The following DNAJC11 variants were observed in gnomAD, a reference collection of about 807,000 sequenced individuals.
DNAJC11 encodes the protein dnaJ homolog subfamily C member 11.
In DNAJC11, 15 loss-of-function variants were observed where a neutral mutation model predicts 78.6. The observed-to-expected ratio is 0.19, with a 90% CI of 0.13 to 0.29. The LOEUF (loss-of-function observed/expected upper bound fraction) is 0.29. DNAJC11 is among the 10% of genes least tolerant of loss of function. DNAJC11 has a pLI of 1.00. For missense variants in DNAJC11, 547 were observed against 709.6 expected, an observed-to-expected ratio of 0.77 and a Z score of 2.60; for synonymous variants, 292 against 272.1, an observed-to-expected ratio of 1.07 and a Z score of -0.72.
In DNAJC11 at chr1:6,635,513, T is replaced by TG. The variant is rs1641745448; in HGVS notation, c.*161dup. ...TCCTACCCCCAGCACCCTCAAAAGC[T>TG]GGGGTGTCTGCATGTCCCTTCACAT... On this transcript the variant is annotated 3_prime_UTR_variant, in exon 16 of 16. Coordinates refer to ENST00000377577, the MANE Select transcript of DNAJC11 (RefSeq NM_018198.4). 1.3e-6 allele frequency: 1 copy of TG among 756,344 alleles called. No homozygotes were observed. Among genetic ancestry groups the TG allele is most frequent in the Non-Finnish European group, 2.1e-6 (1 of 470,512 alleles). The allele number at this position is 756,344 out of a possible 1,614,324, so 46.9% of individuals were successfully genotyped here. A position where few individuals can be genotyped will look rare whatever the true frequency, so the allele number is the denominator to read the frequency against.
chr1:6,682,571 G>A lies in DNAJC11; in HGVS notation c.73-1534C>T, dbSNP rs924440191. On this transcript the variant is annotated intron_variant, in intron 1 of 15. Coordinates refer to ENST00000377577, the MANE Select transcript of DNAJC11 (RefSeq NM_018198.4). ...TCAGGCCAGCTTCATCTGAGGAGTA[G>A]GTGATGGCGTGGGTGACCTCCAGGA... 1.2e-3 allele frequency among the ~76,000 whole-genome samples: 185 copies of A among 152,290 alleles called. 1 individual carries two copies. The highest frequency in any genetic ancestry group is 4.1e-3 in the African/African-American group (171 of 41,582).
At chr1:6,641,085 TAAAG>T (rs1300008458) in intron 10 of DNAJC11, among the ~76,000 whole-genome samples, 1 of 151,838 alleles carries the variant, frequency 6.6e-6, no homozygotes, top group Non-Finnish European at 1.5e-5. Flanking sequence ...CCAGAATTGA[TAAAG>T]AACACTCAAA....
In DNAJC11 at chr1:6,645,112, G is replaced by A; in HGVS notation, c.909C>T (p.His303=). ...FTVALQLGIP[H]SFALISYQHK... Reference sequence around the variant, plus strand: ...GCTGATAGCTGATCAGTGCAAAGGAGTGAGGGATTCCCAGCTGGGGAGACA... The same window carrying A: ...GCTGATAGCTGATCAGTGCAAAGGAATGAGGGATTCCCAGCTGGGGAGACA... The change falls in exon 9 of 16, where the codon CAC becomes CAT. Residue 303 remains histidine, a synonymous_variant. Transcript: ENST00000377577. The surrounding 1 kb of genome is among the most constrained non-coding windows in gnomAD (Gnocchi z 4.1). 1 of 1,612,794 alleles carries A rather than the reference G, an allele frequency of 6.2e-7. No individual in the cohort carries two copies. Among genetic ancestry groups the A allele is most frequent in the Non-Finnish European group, 8.5e-7 (1 of 1,178,930 alleles).
At chr1:6,643,112 A>G (rs1641903648) in intron 10 of DNAJC11, among the ~76,000 whole-genome samples, 1 of 152,050 alleles carries the variant, frequency 6.6e-6, no homozygotes, top group South Asian at 2.1e-4. Flanking sequence ...GCAGGTGCAG[A>G]GACCAAATGA....
chr1:6,667,239 C>G (rs1228643098), intron 4 of DNAJC11, among the ~76,000 whole-genome samples: 1 of 152,122 alleles, frequency 6.6e-6, no homozygotes. Context: ...GTGGACATGC[C>G]CTGAGCCCTC....
rs1642382077 is a variant in DNAJC11, at chr1:6,671,657, G to C, written c.277-3847C>G. ...TGCCATTCTTCTGCCTCAGTCTCCC[G>C]AGTAGCTGGGACTACAGGCATCCGC... On this transcript the variant is annotated intron_variant, in intron 3 of 15. Transcript: ENST00000377577. Among the ~76,000 whole-genome samples, 3 of 150,244 alleles carry C rather than the reference G, an allele frequency of 2.0e-5. No homozygotes were observed. The East Asian group carries it at 5.9e-4, about 29-fold the overall frequency.
At chr1:6,652,346 T>C (rs564334056) in intron 6 of DNAJC11, among the ~76,000 whole-genome samples, 4 of 152,244 alleles carry the variant, frequency 2.6e-5, no homozygotes, top group African/African-American at 9.6e-5. Flanking sequence ...TTTCTAGAAG[T>C]TGGCATCTCA....
intron 1 of DNAJC11, among the ~76,000 whole-genome samples, chr1:6,689,296 A>G (rs564399668): frequency 6.6e-6 from 1 of 152,252 alleles, no homozygotes; most frequent in Non-Finnish European, 1.5e-5. Flanking sequence ...ATGAAGGATC[A>G]GAGTCTGCTG....
In DNAJC11 at chr1:6,644,613, C is replaced by A. The variant is rs748488397; in HGVS notation, c.1042G>T (p.Val348Phe). ...GAERKISRHS[V>F]LGAAVSVGVP... ...CCAACGCTGACAGCTGCACCCAAAA[C>A]GCTGTGCCTGGAGATCTTCCTCTCA... Residue 348 changes from valine (V) to phenylalanine (F), a missense_variant, in exon 10 of 16, where the codon GTT becomes TTT. Physicochemically the swap from Val to Phe is conservative, Grantham distance 50. Coordinates refer to ENST00000377577, the MANE Select transcript of DNAJC11 (RefSeq NM_018198.4). The A allele has an allele frequency of 6.2e-7, 1 of 1,614,226 alleles. No homozygotes were observed.
chr1:6,689,801 G>T (rs1000430334), intron 1 of DNAJC11, among the ~76,000 whole-genome samples: 2 of 151,942 alleles, frequency 1.3e-5, no homozygotes, highest in African/African-American at 2.4e-5. Flanking sequence ...CCAAGGAGGT[G>T]AGGACTGAAC....
intron 3 of DNAJC11, among the ~76,000 whole-genome samples, chr1:6,668,577 C>A (rs945547460): frequency 2.1e-4 from 32 of 152,120 alleles, no homozygotes; most frequent in African/African-American, 7.7e-4. Context: ...GACCAAGGAT[C>A]TCGAGCTGTC....
At chr1:6,651,252 T>C (rs1642050612) in intron 7 of DNAJC11, 1 of 636,928 alleles carries the variant, frequency 1.6e-6, no homozygotes, top group South Asian at 1.5e-5. Context: ...GAAGGCACTC[T>C]TTCTCCGTGG....
intron 11 of DNAJC11, 96 bp from the exon 12 acceptor site, chr1:6,638,460 A>G (rs903860827): frequency 3.4e-5 from 40 of 1,190,296 alleles, no homozygotes; most frequent in Non-Finnish European, 4.8e-5. Flanking sequence ...CCCAGCAAAC[A>G]GTCTGTGATC....
In DNAJC11 at chr1:6,680,142, A is replaced by G. The variant is rs1252785384; in HGVS notation, c.202+766T>C. Reference sequence around the variant, plus strand: ...AAATCACCAGATGGTTCTGGAACAAATAACTTATTGTAGTTGATGTATATA... The same window carrying G: ...AAATCACCAGATGGTTCTGGAACAAGTAACTTATTGTAGTTGATGTATATA... On this transcript the variant is annotated intron_variant, in intron 2 of 15. Coordinates refer to ENST00000377577, the MANE Select transcript of DNAJC11 (RefSeq NM_018198.4). The surrounding 1 kb of genome is among the most constrained non-coding windows in gnomAD (Gnocchi z 4.0). Among the ~76,000 whole-genome samples, 1 of 152,264 alleles carries G rather than the reference A, an allele frequency of 6.6e-6. No homozygotes were observed. The highest frequency in any genetic ancestry group is 1.5e-5 in the Non-Finnish European group (1 of 68,052).
intron 4 of DNAJC11, among the ~76,000 whole-genome samples, chr1:6,657,954 G>C (rs902161483): frequency 6.6e-6 from 1 of 151,734 alleles, no homozygotes; most frequent in African/African-American, 2.4e-5. Flanking sequence ...CAGACTCTGG[G>C]ATTTAAAGAT....
chr1:6,659,024 GAC>G lies in DNAJC11; in HGVS notation c.379-4987_379-4986del, dbSNP rs1557475234. Among the ~76,000 whole-genome samples, 5 of 152,332 alleles carry G rather than the reference GAC, an allele frequency of 3.3e-5. 1 individual carries two copies. In the South Asian group the frequency reaches 1.0e-3, roughly 32 times the overall value. On this transcript the variant is annotated intron_variant, in intron 4 of 15. Transcript: ENST00000377577. ...TCCCACCCACTGCTACCTGTTGGAA[GAC>G]AGAGGTCCTCATCACATTGTGTTCA...
rs565847700 is a variant in DNAJC11, at chr1:6,663,489, C to T, written c.378+4220G>A. ...AAAAAAGGAATTAAAATAATCAATA[C>T]GAAGTGAATACAACACAGAACGACA... On this transcript the variant is annotated intron_variant, in intron 4 of 15. Coordinates refer to ENST00000377577, the MANE Select transcript of DNAJC11 (RefSeq NM_018198.4). 7.9e-5 allele frequency among the ~76,000 whole-genome samples: 12 copies of T among 152,242 alleles called. No individual in the cohort carries two copies. The East Asian group carries it at 1.2e-3, about 15-fold the overall frequency.
chr1:6,699,546 T>C (rs1430386789), intron 1 of DNAJC11, among the ~76,000 whole-genome samples: 1 of 152,272 alleles, frequency 6.6e-6, no homozygotes, highest in East Asian at 1.9e-4. Context: ...CTGGCTTCAT[T>C]TATTGCTTGA....
chr1:6,687,278 T>TAA (rs796211467), intron 1 of DNAJC11, among the ~76,000 whole-genome samples: 1 of 132,234 alleles, frequency 7.6e-6, no homozygotes, highest in African/African-American at 2.8e-5. Context: ...CTGGACTTGG[T>TAA]AAAAAAAAAA....
Sources: gnomAD v4.1 joint callset for allele counts (sites outside exome capture counted in the v4.1 genomes callset) on GRCh38, gnomAD v4.1.1 for gene constraint, Gnocchi (gnomAD v3.1) non-coding constraint, MANE v1.5 for transcripts, NCBI Gene and HGNC (gene_info 2026-07-23, HGNC 2026-07-21) for gene names.